PEX14: variants seen among roughly 807,000 people sequenced by gnomAD.
The protein encoded by PEX14 is peroxisomal membrane protein PEX14.
PEX14 carries 15 observed loss-of-function variants against 49.5 expected under a neutral mutation model. The ratio of observed to expected loss-of-function variants is 0.30; its 90% CI spans 0.20 to 0.47. PEX14 has a LOEUF of 0.47. Ranked by LOEUF, PEX14 falls within the 20% of genes least tolerant of loss-of-function variation. PEX14 has a pLI of 1.00. For missense variants in PEX14, 398 were observed against 494.8 expected (o/e 0.80, Z 1.86); for synonymous variants, 210 against 212.7 (o/e 0.99, Z 0.11).
intron 2 of PEX14, among the ~76,000 whole-genome samples, chr1:10,509,318 A>G: frequency 6.6e-6 from 1 of 152,240 alleles, no homozygotes; most frequent in Non-Finnish European, 1.5e-5. Context: ...AGAATTTGTT[A>G]ATAAACAGAA....
chr1:10,518,793 C>G (rs544073087), intron 2 of PEX14, among the ~76,000 whole-genome samples: 3 of 152,196 alleles, frequency 2.0e-5, no homozygotes, highest in African/African-American at 7.2e-5. Flanking sequence ...TCCGAAGCAT[C>G]TTTGGGCTCT....
intron 2 of PEX14, chr1:10,524,422 T>C: frequency 1.0e-6 from 1 of 953,880 alleles, no homozygotes. Flanking sequence ...CTGGGAAGAA[T>C]TTGAAAGGAG....
At chr1:10,590,106 G>A (rs1393225867) in intron 3 of PEX14, among the ~76,000 whole-genome samples, 2 of 152,182 alleles carry the variant, frequency 1.3e-5, no homozygotes, top group Non-Finnish European at 2.9e-5. Context: ...AGATAGGCCG[G>A]TTCATGTCTG....
intron 4 of PEX14, among the ~76,000 whole-genome samples, chr1:10,616,321 C>G (rs996220543): frequency 2.0e-5 from 3 of 152,186 alleles, no homozygotes; most frequent in African/African-American, 7.2e-5. Flanking sequence ...TTCTCCTCCC[C>G]TGTGGTCATA....
intron 3 of PEX14, among the ~76,000 whole-genome samples, chr1:10,576,768 T>C (rs564985115): frequency 6.6e-6 from 1 of 151,968 alleles, no homozygotes; most frequent in African/African-American, 2.4e-5. Context: ...ACTTTTTTTT[T>C]TTTTTTTAGA....
chr1:10,510,578 A>G (rs1641864868), intron 2 of PEX14, among the ~76,000 whole-genome samples: 1 of 152,168 alleles, frequency 6.6e-6, no homozygotes. Flanking sequence ...CCTGTGTTGT[A>G]TGGCCGTATA....
intron 3 of PEX14, among the ~76,000 whole-genome samples, chr1:10,542,861 T>A (rs924468208): frequency 6.6e-6 from 1 of 152,178 alleles, no homozygotes; most frequent in Non-Finnish European, 1.5e-5. Flanking sequence ...CAATGAATAT[T>A]CTTGTCGTAT....
In PEX14 at chr1:10,540,339, C is replaced by T. The variant is rs72870908; in HGVS notation, c.169+4042C>T. 5.8e-3 allele frequency among the ~76,000 whole-genome samples: 883 copies of T among 152,174 alleles called. 7 individuals are homozygous for T. The highest frequency in any genetic ancestry group is 0.02 in the African/African-American group (828 of 41,524). ...TTACTTTTCTTTTTTTTATCATTTA[C>T]GTCTATTTCATGAGGTAGTTTGCAT... is the stretch of plus-strand genomic sequence containing the variant. On this transcript the variant is annotated intron_variant, in intron 3 of 8. Transcript: ENST00000356607.
chr1:10,571,382 T>A (rs1180702362), intron 3 of PEX14, among the ~76,000 whole-genome samples: 1 of 110,936 alleles, frequency 9.0e-6, no homozygotes. Flanking sequence ...GGGGTGGGGG[T>A]GGGATATAGG....
intron 2 of PEX14, among the ~76,000 whole-genome samples, chr1:10,498,240 A>C (rs1321563033): frequency 6.6e-6 from 1 of 152,226 alleles, no homozygotes; most frequent in Non-Finnish European, 1.5e-5. Flanking sequence ...TGATCAGGCC[A>C]CTGCACTCCA....
At chr1:10,577,741 C>A (rs913474076) in intron 3 of PEX14, among the ~76,000 whole-genome samples, 10 of 148,762 alleles carry the variant, frequency 6.7e-5, no homozygotes, top group African/African-American at 9.9e-5. Context: ...GCTGGGACTA[C>A]AGGTACCTGC....
At chr1:10,575,018 G>A (rs901378519) in intron 3 of PEX14, among the ~76,000 whole-genome samples, 3 of 151,658 alleles carry the variant, frequency 2.0e-5, no homozygotes, top group Admixed American at 6.6e-5. Context: ...AGGCTGATGC[G>A]GGAGGGTAGC....
intron 2 of PEX14, among the ~76,000 whole-genome samples, chr1:10,530,565 TC>T (rs1238234487): frequency 6.6e-6 from 1 of 152,140 alleles, no homozygotes; most frequent in Non-Finnish European, 1.5e-5. Context: ...TCCCCCCTAC[TC>T]CCACTAGTCT....
At chr1:10,520,129 T>C (rs1638230948) in intron 2 of PEX14, among the ~76,000 whole-genome samples, 3 of 148,170 alleles carry the variant, frequency 2.0e-5, no homozygotes, top group Admixed American at 6.8e-5. Context: ...CATGAGCTGT[T>C]GTGCCTGGCC....
At chr1:10,525,626 G>C (rs1045202316) in intron 2 of PEX14, among the ~76,000 whole-genome samples, 1 of 152,124 alleles carries the variant, frequency 6.6e-6, no homozygotes, top group Non-Finnish European at 1.5e-5. Context: ...CTGTCAATTT[G>C]AAGATTTTTT....
intron 1 of PEX14, among the ~76,000 whole-genome samples, chr1:10,488,593 G>A (rs1041631501): frequency 2.0e-5 from 3 of 151,750 alleles, no homozygotes; most frequent in Non-Finnish European, 4.4e-5. Context: ...TCTGCCTCCT[G>A]GGTTCACCCC....
chr1:10,600,548 C>G (rs2124604621), intron 4 of PEX14, among the ~76,000 whole-genome samples: 1 of 151,712 alleles, frequency 6.6e-6, no homozygotes. Context: ...GAAACCGTGT[C>G]TCTACTAAAA....
At chr1:10,551,130 C>A (rs1433637986) in intron 3 of PEX14, among the ~76,000 whole-genome samples, 1 of 152,188 alleles carries the variant, frequency 6.6e-6, no homozygotes, top group East Asian at 1.9e-4. Context: ...ATTACACAAT[C>A]TTCTAGAGCA....
intron 3 of PEX14, among the ~76,000 whole-genome samples, chr1:10,576,652 T>A (rs117634950): frequency 6.6e-6 from 1 of 152,256 alleles, no homozygotes; most frequent in East Asian, 1.9e-4. Flanking sequence ...CTTCCTCTAT[T>A]ATAAATTAAA....
Sources: allele counts gnomAD v4.1 joint callset (sites outside exome capture counted in the v4.1 genomes callset), GRCh38; gene constraint gnomAD v4.1.1; transcripts MANE v1.5; gene names NCBI Gene and HGNC (gene_info 2026-07-23, HGNC 2026-07-21).